CTNNA3: variants seen among roughly 807,000 people sequenced by gnomAD.
CTNNA3 encodes the protein catenin alpha-3.
A neutral mutation model predicts 95.7 loss-of-function variants in CTNNA3; 76 were observed. That is an observed-to-expected ratio of 0.79 (90% CI 0.66 to 0.96). The LOEUF (loss-of-function observed/expected upper bound fraction) is 0.96. Among genes scored for constraint, CTNNA3 ranks in the 40% least tolerant of loss-of-function variants. The pLI, the probability that CTNNA3 is intolerant of heterozygous loss-of-function variation, is 0.00. For missense variants in CTNNA3, 1,191 were observed against 1,089.8 expected, an observed-to-expected ratio of 1.09 and a Z score of -1.31; for synonymous variants, 431 against 374.4, an observed-to-expected ratio of 1.15 and a Z score of -1.74.
At chr10:67,584,416 C>A (rs1842543973) in intron 3 of CTNNA3, among the ~76,000 whole-genome samples, 1 of 152,156 alleles carries the variant, frequency 6.6e-6, no homozygotes, top group Admixed American at 6.5e-5. Context: ...GCTGCCTGAT[C>A]CTTCTTCTGG....
At chr10:67,417,445 T>C (rs1845585606) in intron 5 of CTNNA3, among the ~76,000 whole-genome samples, 1 of 152,100 alleles carries the variant, frequency 6.6e-6, no homozygotes, top group African/African-American at 2.4e-5. Flanking sequence ...TATCTACAAG[T>C]TGAAATTAAA....
intron 6 of CTNNA3, among the ~76,000 whole-genome samples, chr10:67,215,626 A>G (rs1589874433): frequency 6.6e-6 from 1 of 152,136 alleles, no homozygotes; most frequent in Non-Finnish European, 1.5e-5. Flanking sequence ...AGAAAATTCC[A>G]ACATGGATTC....
chr10:67,499,566 CTT>C (rs1376223476), intron 5 of CTNNA3, among the ~76,000 whole-genome samples: 1 of 152,030 alleles, frequency 6.6e-6, no homozygotes, highest in Admixed American at 6.6e-5. Context: ...TGGTCCTGGG[CTT>C]TTTTTGGTTG....
At chr10:65,954,828 C>T (rs2077696586) in intron 17 of CTNNA3, among the ~76,000 whole-genome samples, 1 of 152,134 alleles carries the variant, frequency 6.6e-6, no homozygotes, top group Non-Finnish European at 1.5e-5. Context: ...ATGATGCCTC[C>T]AGCTTTGTTC....
At chr10:66,792,354 TC>T (rs1313998354) in intron 7 of CTNNA3, among the ~76,000 whole-genome samples, 1 of 152,174 alleles carries the variant, frequency 6.6e-6, no homozygotes, top group Non-Finnish European at 1.5e-5. Context: ...TTTTTAAGTG[TC>T]CTAGAGTATT....
chr10:66,295,389 A>G (rs2132209066), intron 12 of CTNNA3, among the ~76,000 whole-genome samples: 1 of 152,288 alleles, frequency 6.6e-6, no homozygotes, highest in Admixed American at 6.5e-5. Flanking sequence ...CAGCAAAGAA[A>G]GCTTAGTAGC....
intron 7 of CTNNA3, among the ~76,000 whole-genome samples, chr10:67,133,330 C>A (rs373642402): frequency 1.9e-5 from 1 of 53,552 alleles, no homozygotes. Context: ...TATATTTATA[C>A]ACACACACAC....
At chr10:66,930,725 AAT>A (rs1340455515) in intron 7 of CTNNA3, among the ~76,000 whole-genome samples, 20 of 152,192 alleles carry the variant, frequency 1.3e-4, no homozygotes, top group South Asian at 2.1e-4. Flanking sequence ...TGGAATATAA[AAT>A]ATGATATAAC....
At chr10:66,891,605 G>T (rs1273483643) in intron 7 of CTNNA3, among the ~76,000 whole-genome samples, 1 of 152,032 alleles carries the variant, frequency 6.6e-6, no homozygotes, top group South Asian at 2.1e-4. Flanking sequence ...CCTTTTCCAT[G>T]ATTTCATTTT....
intron 13 of CTNNA3, among the ~76,000 whole-genome samples, chr10:66,191,412 C>T (rs1383167552): frequency 2.0e-5 from 3 of 152,048 alleles, no homozygotes; most frequent in Non-Finnish European, 4.4e-5. Flanking sequence ...CACTATCTTA[C>T]CATCCTTTAA....
At chr10:66,984,993 C>G (rs1231832659) in intron 7 of CTNNA3, among the ~76,000 whole-genome samples, 1 of 152,146 alleles carries the variant, frequency 6.6e-6, no homozygotes, top group African/African-American at 2.4e-5. Flanking sequence ...TTCTTCACTA[C>G]TGTTGAGCCA....
At chr10:67,461,918 G>A (rs2132996207) in intron 5 of CTNNA3, among the ~76,000 whole-genome samples, 1 of 152,290 alleles carries the variant, frequency 6.6e-6, no homozygotes. Flanking sequence ...TGAATTCACA[G>A]AAGAAATCTA....
intron 7 of CTNNA3, among the ~76,000 whole-genome samples, chr10:67,179,640 G>A (rs1862415573): frequency 6.6e-6 from 1 of 151,976 alleles, no homozygotes; most frequent in Non-Finnish European, 1.5e-5. Context: ...ACCAGTCTGG[G>A]CATTATGGCA....
chr10:67,082,371 C>T (rs1406105280), intron 7 of CTNNA3, among the ~76,000 whole-genome samples: 1 of 152,180 alleles, frequency 6.6e-6, no homozygotes, highest in East Asian at 1.9e-4. Flanking sequence ...ATTGCGATTT[C>T]GCTAGCACTG....
chr10:67,755,804 A>G (rs1335993999), intron 1 of CTNNA3, among the ~76,000 whole-genome samples: 2 of 137,082 alleles, frequency 1.5e-5, no homozygotes, highest in African/African-American at 5.1e-5. Flanking sequence ...CTCTGCCTCA[A>G]AAAAAAAAAA....
At chr10:66,293,926 A>C (rs1427638904) in intron 12 of CTNNA3, among the ~76,000 whole-genome samples, 1 of 151,976 alleles carries the variant, frequency 6.6e-6, no homozygotes, top group East Asian at 1.9e-4. Context: ...CTGCCTCCCA[A>C]AGTGTTGAAA....
At chr10:67,162,741 G>A (rs1336756233) in intron 7 of CTNNA3, among the ~76,000 whole-genome samples, 2 of 151,780 alleles carry the variant, frequency 1.3e-5, no homozygotes, top group African/African-American at 2.4e-5. Context: ...AAGATAAAAT[G>A]TTAAAATTCT....
At chr10:66,435,439 G>T (rs927159983) in intron 11 of CTNNA3, among the ~76,000 whole-genome samples, 3 of 152,006 alleles carry the variant, frequency 2.0e-5, no homozygotes, top group African/African-American at 7.3e-5. Flanking sequence ...TTGCATAGAG[G>T]TGTTTATAGT....
intron 5 of CTNNA3, among the ~76,000 whole-genome samples, chr10:67,496,440 G>A (rs1589358521): frequency 6.6e-6 from 1 of 150,668 alleles, no homozygotes; most frequent in Middle Eastern, 3.4e-3. Context: ...TAATGCACTT[G>A]CCTTTTTAAA....
Sources: allele counts gnomAD v4.1 joint callset (sites outside exome capture counted in the v4.1 genomes callset), GRCh38; gene constraint gnomAD v4.1.1; transcripts MANE v1.5; gene names NCBI Gene and HGNC (gene_info 2026-07-23, HGNC 2026-07-21).